Variants in DGKD observed in about 807,000 individuals in gnomAD.
The protein encoded by DGKD is DAG kinase delta.
Under a neutral mutation model 154.4 loss-of-function variants are expected in DGKD, and 68 were observed. That is an observed-to-expected ratio of 0.44 (90% CI 0.36 to 0.54). The LOEUF is 0.54. Among genes scored for constraint, DGKD ranks in the 20% least tolerant of loss-of-function variants. The pLI is 0.00. For synonymous variants in DGKD, 693 were observed against 638.0 expected (o/e 1.09, Z -1.30); for missense variants, 1,343 against 1,593.6 (o/e 0.84, Z 2.68).
intron 1 of DGKD, among the ~76,000 whole-genome samples, chr2:233,382,222 A>G (rs886868530): frequency 1.3e-5 from 2 of 152,232 alleles, no homozygotes; most frequent in African/African-American, 4.8e-5. Flanking sequence ...CGACAGAGCA[A>G]GACTCTGTCT....
chr2:233,459,707 C>T lies in DGKD; in HGVS notation c.2695-50C>T, dbSNP rs147999282. On this transcript the variant is annotated intron_variant, in intron 22 of 29. Coordinates refer to ENST00000264057, the MANE Select transcript of DGKD (RefSeq NM_152879.3). This position sits in a 1 kb window ranked among gnomAD's most constrained non-coding sequence, Gnocchi z 5.7. The stretch of plus-strand genomic sequence containing the variant: ...TGGTGGTGCTGATAGCACTTTTAAA[C>T]CCCTGGGGGTTTTGGCTCAGCATGA... The T allele has an allele frequency of 4.5e-4, 718 of 1,596,068 alleles. 5 individuals are homozygous for T. In the African/African-American group the frequency reaches 8.5e-3, roughly 19 times the overall value.
intron 16 of DGKD, 91 bp downstream of exon 16, chr2:233,450,222 T>G: frequency 7.0e-7 from 1 of 1,429,150 alleles, no homozygotes; most frequent in South Asian, 1.5e-5. Flanking sequence ...TTAGGGCACT[T>G]TCTCATAGTT....
intron 17 of DGKD, 84 bp from the exon 18 acceptor site, chr2:233,451,879 CG>C: frequency 2.7e-6 from 3 of 1,103,198 alleles, no homozygotes; most frequent in Non-Finnish European, 1.4e-6. Flanking sequence ...TGCAGAATAC[CG>C]GTCCACCAGC....
intron 1 of DGKD, among the ~76,000 whole-genome samples, chr2:233,365,153 C>G (rs551452045): frequency 1.3e-5 from 2 of 151,880 alleles, no homozygotes; most frequent in Non-Finnish European, 2.9e-5. Flanking sequence ...TGTTTTAACA[C>G]ACCTGTCTTA....
In DGKD at chr2:233,394,690, CCTTTTTTTT is replaced by C. The variant is rs1189785675; in HGVS notation, c.348+4208_348+4216del. Among the ~76,000 whole-genome samples the C allele has an allele frequency of 6.2e-4, 52 of 83,256 alleles. 4 individuals carry two copies. The highest frequency in any genetic ancestry group is 1.8e-3 in the African/African-American group (40 of 22,694). The allele number at this position is 83,256 out of a possible 152,430, so 54.6% of individuals were successfully genotyped here. Reference sequence around the variant, plus strand: ...TTCCTTATTATTTTGAATTTAATTCCCTTTTTTTTTTTTTTTTTTTTTTTTTTTTTTTTT... The same window carrying C: ...TTCCTTATTATTTTGAATTTAATTCCTTTTTTTTTTTTTTTTTTTTTTTTT... On this transcript the variant is annotated intron_variant, in intron 3 of 29. Coordinates refer to ENST00000264057, the MANE Select transcript of DGKD (RefSeq NM_152879.3).
chr2:233,424,986 C>A (rs941870804), intron 3 of DGKD, among the ~76,000 whole-genome samples: 1 of 152,098 alleles, frequency 6.6e-6, no homozygotes, highest in Non-Finnish European at 1.5e-5. Flanking sequence ...GGTTTAATAA[C>A]CCCCTGGGCT....
At chr2:233,460,893 AAAAC>A (rs1268876643) in intron 24 of DGKD, among the ~76,000 whole-genome samples, 1 of 152,088 alleles carries the variant, frequency 6.6e-6, no homozygotes, top group African/African-American at 2.4e-5. Flanking sequence ...CTCTGCCTCA[AAAAC>A]AAACAAAACA....
intron 3 of DGKD, among the ~76,000 whole-genome samples, chr2:233,393,677 G>A (rs938023539): frequency 7.0e-6 from 1 of 142,710 alleles, no homozygotes; most frequent in Non-Finnish European, 1.5e-5. Flanking sequence ...GTATTTATGT[G>A]TATTGGTTTT....
At chr2:233,375,040 A>G (rs1371426743) in intron 1 of DGKD, among the ~76,000 whole-genome samples, 2 of 152,296 alleles carry the variant, frequency 1.3e-5, no homozygotes, top group African/African-American at 2.4e-5. Flanking sequence ...CTGTAATCCC[A>G]GCACTTTGGG....
intron 10 of DGKD, among the ~76,000 whole-genome samples, chr2:233,443,930 G>GT (rs989943083): frequency 6.6e-6 from 1 of 152,152 alleles, no homozygotes; most frequent in African/African-American, 2.4e-5. Context: ...CCGCCTCGGG[G>GT]TTTCTTGTCT....
intron 3 of DGKD, among the ~76,000 whole-genome samples, chr2:233,403,270 A>C (rs1352705552): frequency 1.3e-5 from 2 of 152,152 alleles, no homozygotes; most frequent in African/African-American, 4.8e-5. Flanking sequence ...TAAAATAGGG[A>C]GAAAATGGGC....
At chr2:233,450,853 T>C in intron 16 of DGKD, 69 bp from the exon 17 acceptor site, 1 of 1,549,836 alleles carries the variant, frequency 6.5e-7, no homozygotes, top group Non-Finnish European at 8.8e-7. Context: ...CTCGTGTCGC[T>C]AAGGACCCCC....
intron 1 of DGKD, among the ~76,000 whole-genome samples, chr2:233,387,803 C>T (rs991972539): frequency 1.3e-5 from 2 of 152,146 alleles, no homozygotes; most frequent in South Asian, 4.1e-4. Flanking sequence ...GAGCCGCTGA[C>T]GTAGACAGCT....
In DGKD at chr2:233,449,157, T is replaced by TCCCAGGCCTCGTCCTCTCTG. The variant is rs1160747985; in HGVS notation, c.1674_1693dup (p.Asn565ArgfsTer54). ...CCTTCTCAAGACCTTGGACGATGAG[T>TCCCAGGCCTCGTCCTCTCTG]CCCAGGCCTCGTCCTCTCTGCCCAA... is the stretch of plus-strand genomic sequence containing the variant. On this transcript the variant is annotated frameshift_variant, in exon 15 of 30. Transcript: ENST00000264057. LOFTEE classifies it high-confidence loss of function. This position sits in a 1 kb window ranked among gnomAD's most constrained non-coding sequence, Gnocchi z 5.3. 1.2e-6 allele frequency: 2 copies of TCCCAGGCCTCGTCCTCTCTG among 1,612,892 alleles called. No individual in the cohort carries two copies. Among genetic ancestry groups the TCCCAGGCCTCGTCCTCTCTG allele is most frequent in the Non-Finnish European group, 1.7e-6 (2 of 1,179,520 alleles).
At chr2:233,434,297 T>G (rs758678361) in intron 3 of DGKD, 83 bp from the exon 4 acceptor site, 95 of 1,013,450 alleles carry the variant, frequency 9.4e-5, no homozygotes, top group Non-Finnish European at 1.4e-4. Context: ...TATGTCTGTG[T>G]GAGGTCGGTT....
intron 10 of DGKD, 54 bp downstream of exon 10, chr2:233,442,049 G>T: frequency 6.9e-7 from 1 of 1,453,540 alleles, no homozygotes. Flanking sequence ...GGAGGTTAGA[G>T]GGAAATCATG....
intron 27 of DGKD, among the ~76,000 whole-genome samples, chr2:233,465,200 A>G (rs1057407813): frequency 6.6e-6 from 1 of 152,258 alleles, no homozygotes; most frequent in African/African-American, 2.4e-5. Flanking sequence ...AATCCATTAA[A>G]TAATTCATTG....
chr2:233,422,422 G>A (rs1454899076), intron 3 of DGKD, among the ~76,000 whole-genome samples: 1 of 152,240 alleles, frequency 6.6e-6, no homozygotes, highest in Admixed American at 6.5e-5. Context: ...CGTGGTCCAT[G>A]ACACTCCTGC....
chr2:233,397,165 G>GGT (rs1429816482), intron 3 of DGKD, among the ~76,000 whole-genome samples: 1 of 85,330 alleles, frequency 1.2e-5, no homozygotes, highest in South Asian at 4.8e-4. Flanking sequence ...CTGCGGGGGG[G>GGT]GCCAGAGTGA....
Sources: allele counts gnomAD v4.1 joint callset (sites outside exome capture counted in the v4.1 genomes callset), GRCh38; gene constraint gnomAD v4.1.1; non-coding constraint Gnocchi (gnomAD v3.1); transcripts MANE v1.5; gene names NCBI Gene and HGNC (gene_info 2026-07-23, HGNC 2026-07-21).